The following KATNBL1 variants were observed in gnomAD, a reference collection of about 807,000 sequenced individuals.
KATNBL1 encodes the protein KATNB1-like protein 1.
In KATNBL1, 28 loss-of-function variants were observed where a neutral mutation model predicts 44.7. The ratio of observed to expected loss-of-function variants is 0.63; its 90% confidence interval spans 0.46 to 0.86. The LOEUF is 0.86. Among genes scored for constraint, KATNBL1 ranks in the 40% least tolerant of loss-of-function variants. The probability of loss-of-function intolerance (pLI) is 0.00; values close to 1 mark genes in which losing one functional copy is unlikely to be tolerated. For synonymous variants in KATNBL1, 78 were observed against 114.9 expected (o/e 0.68, Z 2.06); for missense variants, 272 against 350.7 (o/e 0.78, Z 1.79).
intron 1 of KATNBL1, among the ~76,000 whole-genome samples, chr15:34,184,576 C>CT (rs71119942): frequency 3.1e-5 from 3 of 95,260 alleles, no homozygotes; most frequent in African/African-American, 1.2e-4. Flanking sequence ...CCTAATGTTT[C>CT]TTTTTTTTTT....
At chr15:34,152,135 T>C (rs1888499484) in intron 4 of KATNBL1, among the ~76,000 whole-genome samples, 1 of 151,818 alleles carries the variant, frequency 6.6e-6, no homozygotes, top group Non-Finnish European at 1.5e-5. Flanking sequence ...AGACAGGGTG[T>C]TTCACCATGT....
intron 1 of KATNBL1, among the ~76,000 whole-genome samples, chr15:34,184,642 G>A (rs1181769469): frequency 3.6e-5 from 5 of 138,096 alleles, no homozygotes; most frequent in Non-Finnish European, 6.1e-5. Context: ...TGGCGATCTC[G>A]GCTTACTGCA....
rs1888267205 is a variant in KATNBL1 at position 34,145,039 on chromosome 15, TTTAA to T, written c.882+355_882+358del. 13 of 994,824 alleles carry T rather than the reference TTTAA, an allele frequency of 1.3e-5. No homozygotes were observed. The South Asian group carries it at 5.0e-4, about 38-fold the overall frequency. 61.6% of individuals were successfully genotyped at this position (994,824 alleles called of 1,614,324 possible). A position where few individuals can be genotyped will look rare whatever the true frequency, so the allele number is the denominator to read the frequency against. On this transcript the variant is annotated intron_variant, in intron 9 of 9. Transcript: ENST00000256544. Reference sequence around the variant, plus strand: ...AAGTAAAACTTAATCTCCAAAACCATTTAATTATGTTTCTTATCCCTTGTTTCCT... The same window carrying T: ...AAGTAAAACTTAATCTCCAAAACCATTTATGTTTCTTATCCCTTGTTTCCT...
chr15:34,178,029 A>G (rs1021043996), intron 1 of KATNBL1: 1 of 152,220 alleles, frequency 6.6e-6, no homozygotes, highest in African/African-American at 2.4e-5. Flanking sequence ...TAAGAAATAA[A>G]AGGGTTTTAG....
Position 34,153,065 on chromosome 15 carries a change from C to T in KATNBL1, c.163G>A (p.Val55Ile). 1 of 1,597,444 alleles carries T rather than the reference C, an allele frequency of 6.3e-7. No individual in the cohort carries two copies. ...TCTGGGCTTTTCACAGTTTGTCCAACTGTTCTGTAAAAAGAATTTATTTTC... is the reference window on the plus strand; with the variant it reads ...TCTGGGCTTTTCACAGTTTGTCCAATTGTTCTGTAAAAAGAATTTATTTTC... Reference protein sequence around the residue: ...KQLAAYINRTVGQTVKSPDKL... With the variant: ...KQLAAYINRTIGQTVKSPDKL... The change falls in exon 4 of 10, where the codon GTT becomes ATT. Residue 55 changes from valine (V) to isoleucine (I), a missense_variant. Around this residue, in one of 3 missense-constraint regions of KATNBL1, gnomAD observed 122 missense variants for 125.0 expected, o/e 0.98. Transcript: ENST00000256544.
intron 1 of KATNBL1, among the ~76,000 whole-genome samples, chr15:34,203,371 A>C (rs1444793175): frequency 1.8e-5 from 2 of 109,018 alleles, no homozygotes; most frequent in East Asian, 4.0e-4. Context: ...CCTTTAGACT[A>C]TATAATAGCT....
intron 2 of KATNBL1, among the ~76,000 whole-genome samples, chr15:34,156,844 C>A (rs1888654232): frequency 6.6e-6 from 1 of 152,202 alleles, no homozygotes; most frequent in African/African-American, 2.4e-5. Context: ...GAAGCTGTTC[C>A]TTTAGTAAAA....
At chr15:34,148,434 A>T (rs560522194) in intron 5 of KATNBL1, 198 bp downstream of exon 5, 57 of 373,476 alleles carry the variant, frequency 1.5e-4, no homozygotes, top group African/African-American at 6.3e-4. Flanking sequence ...AAATTTTTTT[A>T]AAAAATAGCC....
chr15:34,147,065 C>G, intron 7 of KATNBL1, 135 bp downstream of exon 7: 1 of 648,472 alleles, frequency 1.5e-6, no homozygotes. Flanking sequence ...ATATTCTTTT[C>G]CTAATTGTAC....
In KATNBL1 at chr15:34,184,030, G is replaced by A. The variant is rs566428854; in HGVS notation, c.-14-20340C>T. On this transcript the variant is annotated intron_variant, in intron 1 of 9. Transcript: ENST00000256544. ...CTAAAAACACAAAAAACTGCCGGGCGCAGTGGCTCACGCCTGTAATCCCAG... is the reference window on the plus strand; with the variant it reads ...CTAAAAACACAAAAAACTGCCGGGCACAGTGGCTCACGCCTGTAATCCCAG... Among the ~76,000 whole-genome samples the A allele has an allele frequency of 9.9e-5, 15 of 152,146 alleles. No homozygotes were observed. In the South Asian group the frequency reaches 2.1e-3, roughly 21 times the overall value.
chr15:34,174,635 A>AG (rs955233813), intron 1 of KATNBL1, among the ~76,000 whole-genome samples: 7 of 152,030 alleles, frequency 4.6e-5, no homozygotes, highest in African/African-American at 1.7e-4. Flanking sequence ...AGTAAAAGGA[A>AG]GGGGGGAAAA....
intron 8 of KATNBL1, chr15:34,145,947 CTTT>C (rs35429469): frequency 7.8e-4 from 96 of 123,288 alleles, no homozygotes; most frequent in Non-Finnish European, 1.0e-3. Flanking sequence ...TAAATTGTGG[CTTT>C]TTTTTTTTTT....
intron 8 of KATNBL1, 129 bp from the exon 9 acceptor site, chr15:34,145,620 T>C: frequency 1.2e-6 from 1 of 844,330 alleles, no homozygotes. Context: ...TGATGCTATT[T>C]GAAATAAAAC....
chr15:34,150,694 T>C (rs1175740731), intron 4 of KATNBL1, among the ~76,000 whole-genome samples: 1 of 152,204 alleles, frequency 6.6e-6, no homozygotes, highest in Non-Finnish European at 1.5e-5. Flanking sequence ...GTGTACAGAT[T>C]ATTTCATCAC....
intron 1 of KATNBL1, 61 bp downstream of exon 1, chr15:34,209,890 A>G (rs1267922983): frequency 2.0e-5 from 3 of 151,470 alleles, no homozygotes; most frequent in Non-Finnish European, 4.4e-5. Flanking sequence ...CGGCTGGAGT[A>G]GCCCTGCCAG....
At chr15:34,171,615 T>C (rs1008865820) in intron 1 of KATNBL1, among the ~76,000 whole-genome samples, 5 of 152,212 alleles carry the variant, frequency 3.3e-5, no homozygotes, top group Non-Finnish European at 5.9e-5. Flanking sequence ...TAAATCATGC[T>C]ACTATAAAGA....
intron 1 of KATNBL1, among the ~76,000 whole-genome samples, chr15:34,171,342 TC>T (rs1391826673): frequency 2.0e-5 from 3 of 150,766 alleles, no homozygotes; most frequent in Non-Finnish European, 4.4e-5. Flanking sequence ...AAAATGCTCA[TC>T]ATCACTGGTC....
intron 1 of KATNBL1, among the ~76,000 whole-genome samples, chr15:34,181,860 TATATATATCC>T (rs1889573444): frequency 8.4e-6 from 1 of 119,512 alleles, no homozygotes; most frequent in African/African-American, 3.5e-5. Flanking sequence ...ATAGTCCATA[TATATATATCC>T]ATATATATAT....
At chr15:34,179,184 A>C (rs1234107014) in intron 1 of KATNBL1, among the ~76,000 whole-genome samples, 1 of 152,196 alleles carries the variant, frequency 6.6e-6, no homozygotes, top group Non-Finnish European at 1.5e-5. Context: ...TATTTTGTTT[A>C]GTTCTAGAGG....
Sources: gnomAD v4.1 joint callset for allele counts (sites outside exome capture counted in the v4.1 genomes callset) on GRCh38, gnomAD v4.1.1 for gene constraint, gnomAD v4.1.1 regional missense constraint, MANE v1.5 for transcripts, NCBI Gene and HGNC (gene_info 2026-07-23, HGNC 2026-07-21) for gene names.